The following CCDC192 variants were observed in gnomAD, a reference collection of about 807,000 sequenced individuals.
The protein encoded by CCDC192 is coiled-coil domain containing 192.
At chr5:127,861,590 G>T (rs555663111) in intron 5 of CCDC192, among the ~76,000 whole-genome samples, 3 of 152,068 alleles carry the variant, frequency 2.0e-5, no homozygotes, top group Non-Finnish European at 4.4e-5. Flanking sequence ...GAGAGGTGGA[G>T]GTTGCGGTGA....
intron 5 of CCDC192, among the ~76,000 whole-genome samples, chr5:127,844,953 A>T (rs1264851600): frequency 6.6e-6 from 1 of 152,106 alleles, no homozygotes; most frequent in Non-Finnish European, 1.5e-5. Flanking sequence ...TATTTTTTAA[A>T]CCAAAGGGCG....
intron 5 of CCDC192, among the ~76,000 whole-genome samples, chr5:127,805,651 G>A (rs1561498783): frequency 6.6e-6 from 1 of 152,128 alleles, no homozygotes; most frequent in Non-Finnish European, 1.5e-5. Flanking sequence ...TAATCTAAAT[G>A]GAACATTCCT....
chr5:127,755,311 C>T (rs929381680), intron 3 of CCDC192, among the ~76,000 whole-genome samples: 3 of 151,972 alleles, frequency 2.0e-5, no homozygotes, highest in South Asian at 2.1e-4. Flanking sequence ...AGAATTTTAG[C>T]GGAAACTAAG....
chr5:127,779,044 G>A (rs1179303817), intron 3 of CCDC192, among the ~76,000 whole-genome samples: 1 of 151,714 alleles, frequency 6.6e-6, no homozygotes, highest in Non-Finnish European at 1.5e-5. Flanking sequence ...TATCAACTTT[G>A]TTGATTATTT....
At chr5:127,941,030 A>G (rs1200872520) in intron 6 of CCDC192, 152 bp from the exon 7 acceptor site, 1 of 395,910 alleles carries the variant, frequency 2.5e-6, no homozygotes, top group Non-Finnish European at 4.4e-6. Context: ...CACTGGATCC[A>G]GATTTTATTC....
intron 3 of CCDC192, among the ~76,000 whole-genome samples, chr5:127,772,515 G>T (rs1441206605): frequency 6.7e-6 from 1 of 150,016 alleles, no homozygotes; most frequent in Non-Finnish European, 1.5e-5. Context: ...ACCCTCCTTT[G>T]CTCCACCCTC....
intron 2 of CCDC192, among the ~76,000 whole-genome samples, chr5:127,714,536 A>C (rs1020134242): frequency 6.6e-6 from 1 of 152,096 alleles, no homozygotes; most frequent in Non-Finnish European, 1.5e-5. Flanking sequence ...CTACAGGCAC[A>C]TGCCACCACA....
chr5:127,897,438 A>C (rs1290446929), intron 6 of CCDC192, among the ~76,000 whole-genome samples: 4 of 152,200 alleles, frequency 2.6e-5, no homozygotes, highest in Admixed American at 2.6e-4. Context: ...AGCTGGATTC[A>C]CAGTAGGATA....
At chr5:127,757,122 G>A (rs920221247) in intron 3 of CCDC192, among the ~76,000 whole-genome samples, 1 of 152,212 alleles carries the variant, frequency 6.6e-6, no homozygotes, top group Non-Finnish European at 1.5e-5. Context: ...GTAAGCCAGA[G>A]CTTCTCTACC....
At chr5:127,915,858 A>G (rs1753506427) in intron 6 of CCDC192, among the ~76,000 whole-genome samples, 1 of 152,172 alleles carries the variant, frequency 6.6e-6, no homozygotes, top group Non-Finnish European at 1.5e-5. Context: ...CTGGAGGTTG[A>G]TGGCTGCTGA....
At chr5:127,841,938 G>C (rs1025304120) in intron 5 of CCDC192, among the ~76,000 whole-genome samples, 2 of 152,224 alleles carry the variant, frequency 1.3e-5, no homozygotes, top group Admixed American at 6.5e-5. Context: ...AATGATGAAT[G>C]TTGACTATTG....
intron 5 of CCDC192, among the ~76,000 whole-genome samples, chr5:127,860,608 T>C (rs1054802218): frequency 2.6e-5 from 4 of 152,064 alleles, no homozygotes; most frequent in African/African-American, 9.7e-5. Flanking sequence ...CACCAAGAAA[T>C]AAAGAGAGCT....
At chr5:127,792,737 A>G (rs1756945050) in intron 3 of CCDC192, among the ~76,000 whole-genome samples, 1 of 151,568 alleles carries the variant, frequency 6.6e-6, no homozygotes, top group Non-Finnish European at 1.5e-5. Context: ...AAGGAGGAGA[A>G]GGAAAAGGAG....
At chr5:127,835,647 A>G (rs1002875497) in intron 5 of CCDC192, among the ~76,000 whole-genome samples, 1 of 152,196 alleles carries the variant, frequency 6.6e-6, no homozygotes, top group Admixed American at 6.5e-5. Flanking sequence ...ACTTAGAATC[A>G]TGGTGGAAGG....
rs1297802993 is a variant in CCDC192, at chr5:127,735,748, A to G, written c.115-18520A>G. On this transcript the variant is annotated intron_variant, in intron 2 of 6. Transcript: ENST00000514853. ...TCTGTTTGTCTGTTGTTGGTGTATA[A>G]GAATGCTTGTGATTTTTGTACATTG... Among the ~76,000 whole-genome samples the G allele has an allele frequency of 1.7e-3, 215 of 127,818 alleles. 2 individuals are homozygous for G. Among genetic ancestry groups the G allele is most frequent in the Non-Finnish European group, 2.5e-3 (161 of 63,980 alleles). The allele number at this position is 127,818 out of a possible 152,430, so 83.9% of individuals were successfully genotyped here.
chr5:127,914,290 C>T (rs10036951), intron 6 of CCDC192, among the ~76,000 whole-genome samples: 44,615 of 151,982 alleles, frequency 0.29, 8,168 homozygotes, highest in African/African-American at 0.52. Flanking sequence ...CTGCCCTGAC[C>T]AGTATGTCTA....
intron 2 of CCDC192, among the ~76,000 whole-genome samples, chr5:127,753,169 G>T (rs1433584061): frequency 6.6e-6 from 1 of 152,194 alleles, no homozygotes; most frequent in African/African-American, 2.4e-5. Flanking sequence ...ATTGGAAGCA[G>T]CTGCAGCAGG....
At chr5:127,770,289 CTATAA>C (rs1755474979) in intron 3 of CCDC192, among the ~76,000 whole-genome samples, 1 of 152,172 alleles carries the variant, frequency 6.6e-6, no homozygotes, top group Non-Finnish European at 1.5e-5. Flanking sequence ...CACTGAGTTT[CTATAA>C]TATAACTGCA....
intron 3 of CCDC192, among the ~76,000 whole-genome samples, chr5:127,773,038 G>A (rs1449100448): frequency 6.6e-6 from 1 of 152,112 alleles, no homozygotes; most frequent in East Asian, 1.9e-4. Flanking sequence ...TGAGGAGAAA[G>A]TTGAGGGAAA....
Sources: allele counts gnomAD v4.1 joint callset (sites outside exome capture counted in the v4.1 genomes callset), GRCh38; gene constraint gnomAD v4.1.1; transcripts MANE v1.5; gene names NCBI Gene and HGNC (gene_info 2026-07-23, HGNC 2026-07-21).